NSL1: variants seen among roughly 807,000 people sequenced by gnomAD.
NSL1 encodes kinetochore-associated protein NSL1 homolog.
In NSL1, 11 loss-of-function variants were observed where a neutral mutation model predicts 25.4. The observed-to-expected ratio is 0.43, with a 90% CI of 0.27 to 0.72. The LOEUF is 0.72. NSL1 is among the 30% of genes least tolerant of loss of function. The probability of loss-of-function intolerance (pLI) is 0.19; values close to 1 mark genes in which losing one functional copy is unlikely to be tolerated. For missense variants in NSL1, 330 were observed against 342.7 expected, an observed-to-expected ratio of 0.96 and a Z score of 0.29; for synonymous variants, 118 against 120.6, an observed-to-expected ratio of 0.98 and a Z score of 0.14.
chr1:212,791,554 C>G lies in NSL1; in HGVS notation c.210G>C (p.Glu70Asp). The G allele has an allele frequency of 3.1e-6, 5 of 1,613,738 alleles. No individual in the cohort carries two copies. In the South Asian group the frequency reaches 5.5e-5, roughly 18 times the overall value. The change falls in exon 1 of 6, where the codon GAG becomes GAC. Residue 70 changes from glutamate to aspartate, a missense_variant. Transcript: ENST00000366977. ...LGDALPEEIR[E>D]PALRDAQWTF... Reference sequence around the variant, plus strand: ...CCCACTGCGCATCTCGCAGAGCGGGCTCCCGAATCTCCTCCGGCAGAGCGT... The same window carrying G: ...CCCACTGCGCATCTCGCAGAGCGGGGTCCCGAATCTCCTCCGGCAGAGCGT...
chr1:212,774,903 T>C (rs1192430498), intron 4 of NSL1, among the ~76,000 whole-genome samples: 1 of 152,238 alleles, frequency 6.6e-6, no homozygotes, highest in African/African-American at 2.4e-5. Context: ...TCATTCGTAG[T>C]AGCCAAAATG....
At chr1:212,761,544 T>G (rs1243899868) in intron 4 of NSL1, among the ~76,000 whole-genome samples, 1 of 151,514 alleles carries the variant, frequency 6.6e-6, no homozygotes, top group African/African-American at 2.4e-5. Flanking sequence ...GAGGCGGAGG[T>G]GGAAGAATTG....
chr1:212,763,045 A>G (rs934642840), intron 4 of NSL1, among the ~76,000 whole-genome samples: 1 of 152,224 alleles, frequency 6.6e-6, no homozygotes, highest in African/African-American at 2.4e-5. Context: ...GGAGAAAGGC[A>G]TGGTTATGGC....
At chr1:212,772,248 T>A (rs971682012) in intron 4 of NSL1, among the ~76,000 whole-genome samples, 1 of 152,112 alleles carries the variant, frequency 6.6e-6, no homozygotes, top group African/African-American at 2.4e-5. Flanking sequence ...TAGAAAGACA[T>A]CCCTTGTGCA....
chr1:212,737,964 G>A lies in NSL1; in HGVS notation c.*444C>T, dbSNP rs944666587. The A allele has an allele frequency of 1.0e-6, 1 of 985,986 alleles. No individual in the cohort carries two copies. Among genetic ancestry groups the A allele is most frequent in the African/African-American group, 1.8e-5 (1 of 57,006 alleles). 61.1% of individuals were successfully genotyped at this position (985,986 alleles called of 1,614,324 possible). ...AAAAAAAAACCCTGCATCTGCTGCT[G>A]TGCAGAACTGATAATTACTTTTCAG... is the stretch of plus-strand genomic sequence containing the variant. On this transcript the variant is annotated 3_prime_UTR_variant, in exon 6 of 6. Coordinates refer to ENST00000366977, the MANE Select transcript of NSL1 (RefSeq NM_015471.4).
At chr1:212,750,242 G>A (rs1257441845) in intron 4 of NSL1, among the ~76,000 whole-genome samples, 2 of 152,054 alleles carry the variant, frequency 1.3e-5, no homozygotes, top group Admixed American at 6.5e-5. Flanking sequence ...CAAGGGAACC[G>A]AAGGGAGAGG....
chr1:212,730,694 C>A lies in NSL1; in HGVS notation c.*7714G>T, dbSNP rs1657978867. 1 of 985,224 alleles carries A rather than the reference C, an allele frequency of 1.0e-6. No individual in the cohort carries two copies. Among genetic ancestry groups the A allele is most frequent in the African/African-American group, 1.7e-5 (1 of 57,184 alleles). The allele number at this position is 985,224 out of a possible 1,614,324, so 61.0% of individuals were successfully genotyped here. A position where few individuals can be genotyped will look rare whatever the true frequency, so the allele number is the denominator to read the frequency against. ...TGTCACTGAGGGATGTCAATGCCAT[C>A]CTCTGCTCTTATGTCCTGCAGGGAT... On this transcript the variant is annotated 3_prime_UTR_variant, in exon 6 of 6. Transcript: ENST00000366977.
At chr1:212,782,527 CTTTTGAGG>C in intron 3 of NSL1, 101 bp from the exon 4 acceptor site, 1 of 870,882 alleles carries the variant, frequency 1.1e-6, no homozygotes. Flanking sequence ...CAGTACCATT[CTTTTGAGG>C]AAAAAAAATT....
At chr1:212,774,696 C>A (rs1453059757) in intron 4 of NSL1, among the ~76,000 whole-genome samples, 1 of 152,150 alleles carries the variant, frequency 6.6e-6, no homozygotes, top group East Asian at 1.9e-4. Context: ...TTGGTGAGGG[C>A]ATAAAGAACT....
chr1:212,766,324 C>A (rs760683530), intron 4 of NSL1: 49 of 515,412 alleles, frequency 9.5e-5, no homozygotes, highest in Non-Finnish European at 1.3e-4. Flanking sequence ...CAACATAGTA[C>A]TCAGCCAGAG....
intron 4 of NSL1, among the ~76,000 whole-genome samples, chr1:212,776,452 G>A (rs1660375168): frequency 6.6e-6 from 1 of 151,926 alleles, no homozygotes; most frequent in African/African-American, 2.4e-5. Flanking sequence ...TACTTGAGAG[G>A]CTGAGGTGGG....
At chr1:212,764,553 A>G (rs1446521549) in intron 4 of NSL1, among the ~76,000 whole-genome samples, 2 of 152,212 alleles carry the variant, frequency 1.3e-5, no homozygotes, top group African/African-American at 4.8e-5. Context: ...AAGACAGAAG[A>G]TCCAAATAAG....
chr1:212,727,832 A>C lies in NSL1; in HGVS notation c.*10576T>G. ...ACACTAGTATTACATAGTAATATTC[A>C]CTATTCGTTAACTGCTGGGAAATTT... On this transcript the variant is annotated 3_prime_UTR_variant, in exon 6 of 6. Transcript: ENST00000366977. 1 of 982,752 alleles carries C rather than the reference A, an allele frequency of 1.0e-6. No homozygotes were observed. The highest frequency in any genetic ancestry group is 4.7e-5 in the South Asian group (1 of 21,236). The allele number at this position is 982,752 out of a possible 1,614,324, so 60.9% of individuals were successfully genotyped here.
chr1:212,762,204 A>C (rs780012202), intron 4 of NSL1, among the ~76,000 whole-genome samples: 1 of 151,082 alleles, frequency 6.6e-6, no homozygotes, highest in Non-Finnish European at 1.5e-5. Flanking sequence ...AGGCTGAGGC[A>C]GGAGAATCAC....
In NSL1 at chr1:212,736,375, T is replaced by G; in HGVS notation, c.*2033A>C. The G allele has an allele frequency of 2.0e-6, 2 of 985,346 alleles. No homozygotes were observed. Among genetic ancestry groups the G allele is most frequent in the Middle Eastern group, 1.0e-3 (2 of 1,914 alleles). The allele number at this position is 985,346 out of a possible 1,614,324, so 61.0% of individuals were successfully genotyped here. On this transcript the variant is annotated 3_prime_UTR_variant, in exon 6 of 6. Transcript: ENST00000366977. Reference sequence around the variant, plus strand: ...AGACCCTATTCAATCCAGACTCTTTTTATCATAGAGCAAGATTTGATTTTC... The same window carrying G: ...AGACCCTATTCAATCCAGACTCTTTGTATCATAGAGCAAGATTTGATTTTC...
intron 5 of NSL1, 80 bp downstream of exon 5, chr1:212,739,454 A>G: frequency 7.5e-7 from 1 of 1,335,906 alleles, no homozygotes; most frequent in Non-Finnish European, 1.1e-6. Context: ...GAGCAGACTA[A>G]AACACATATG....
Position 212,728,773 on chromosome 1 carries a change from C to T in NSL1, c.*9635G>A. 1.0e-6 allele frequency: 1 copy of T among 985,418 alleles called. No homozygotes were observed. Among genetic ancestry groups the T allele is most frequent in the Non-Finnish European group, 1.2e-6 (1 of 829,928 alleles). The allele number at this position is 985,418 out of a possible 1,614,324, so 61.0% of individuals were successfully genotyped here. A position where few individuals can be genotyped will look rare whatever the true frequency, so the allele number is the denominator to read the frequency against. On this transcript the variant is annotated 3_prime_UTR_variant, in exon 6 of 6. Transcript: ENST00000366977. ...TCCCCTTTGTTGCCACATCTCGCAGCTTCTCCCTTCTGTTTTTCCTCTCAC... is the reference window on the plus strand; with the variant it reads ...TCCCCTTTGTTGCCACATCTCGCAGTTTCTCCCTTCTGTTTTTCCTCTCAC...
In NSL1 at chr1:212,728,131, T is replaced by C. The variant is rs1158032006; in HGVS notation, c.*10277A>G. On this transcript the variant is annotated 3_prime_UTR_variant, in exon 6 of 6. Transcript: ENST00000366977. Reference sequence around the variant, plus strand: ...GGGCGTGGTAATAGCCCTTAATTCATGGATTGTCTTGAGGATTAAAAGAGA... The same window carrying C: ...GGGCGTGGTAATAGCCCTTAATTCACGGATTGTCTTGAGGATTAAAAGAGA... 10 of 963,124 alleles carry C rather than the reference T, an allele frequency of 1.0e-5. No individual in the cohort carries two copies. The highest frequency in any genetic ancestry group is 1.1e-5 in the Non-Finnish European group (9 of 809,772). 59.7% of individuals were successfully genotyped at this position (963,124 alleles called of 1,614,324 possible).
At chr1:212,788,748 C>T (rs6679549) in intron 1 of NSL1, among the ~76,000 whole-genome samples, 61,176 of 152,010 alleles carry the variant, frequency 0.4, 13,952 homozygotes, top group Non-Finnish European at 0.51. Context: ...TGGGAAAAAA[C>T]CTAAAGTCAA....
Sources: allele counts gnomAD v4.1 joint callset (sites outside exome capture counted in the v4.1 genomes callset), GRCh38; gene constraint gnomAD v4.1.1; transcripts MANE v1.5; gene names NCBI Gene and HGNC (gene_info 2026-07-23, HGNC 2026-07-21).